PIK3AP1: variants seen among roughly 807,000 people sequenced by gnomAD.
PIK3AP1 encodes phosphoinositide 3-kinase adapter protein 1.
In PIK3AP1, 21 loss-of-function variants were observed where a neutral mutation model predicts 88.1. The observed-to-expected ratio is 0.24, with a 90% CI of 0.17 to 0.34. The LOEUF is 0.34. Ranked by LOEUF, PIK3AP1 falls within the 10% of genes least tolerant of loss-of-function variation. PIK3AP1 has a pLI of 1.00. For synonymous variants in PIK3AP1, 398 were observed against 400.0 expected, an observed-to-expected ratio of 1.00 and a Z score of 0.06; for missense variants, 828 against 1,035.7, an observed-to-expected ratio of 0.80 and a Z score of 2.75.
intron 2 of PIK3AP1, among the ~76,000 whole-genome samples, chr10:96,702,614 C>CCACACA (rs3035892): frequency 0.014 from 2,003 of 145,158 alleles, 51 homozygotes; most frequent in African/African-American, 0.043. Flanking sequence ...AGTGTTCTCA[C>CCACACA]CACACACACA....
Position 96,647,567 on chromosome 10 carries a change from T to C in PIK3AP1, c.1185+1092A>G, listed in dbSNP as rs1843476911. On this transcript the variant is annotated intron_variant, in intron 7 of 16. Coordinates refer to ENST00000339364, the MANE Select transcript of PIK3AP1 (RefSeq NM_152309.3). The stretch of plus-strand genomic sequence containing the variant: ...GACTGAGAGCACCTTTTAGACTTAT[T>C]TGTGTCAGTGACGCCCAAAAAAAAG... Among the ~76,000 whole-genome samples the C allele has an allele frequency of 2.0e-5, 3 of 152,310 alleles. No individual in the cohort carries two copies. The South Asian group carries it at 6.2e-4, about 32-fold the overall frequency.
At chr10:96,690,536 G>T (rs970165341) in intron 2 of PIK3AP1, among the ~76,000 whole-genome samples, 2 of 152,164 alleles carry the variant, frequency 1.3e-5, no homozygotes, top group African/African-American at 2.4e-5. Context: ...TGGAATTATA[G>T]GTGTGAACCA....
intron 2 of PIK3AP1, among the ~76,000 whole-genome samples, chr10:96,668,602 C>T (rs899117791): frequency 1.3e-5 from 2 of 152,082 alleles, no homozygotes; most frequent in African/African-American, 4.8e-5. Context: ...TGGAATTAAA[C>T]AGAAACAGTC....
At chr10:96,698,424 A>G (rs1052495725) in intron 2 of PIK3AP1, among the ~76,000 whole-genome samples, 8 of 151,590 alleles carry the variant, frequency 5.3e-5, no homozygotes, top group Non-Finnish European at 7.4e-5. Context: ...GCTGAGGCAG[A>G]TGGATCACCT....
chr10:96,658,219 T>C (rs1285985654), intron 2 of PIK3AP1, among the ~76,000 whole-genome samples: 3 of 152,222 alleles, frequency 2.0e-5, no homozygotes, highest in Admixed American at 2.0e-4. Flanking sequence ...ACACTAACCC[T>C]GCCTTCAGAG....
chr10:96,691,390 T>C (rs1324950992), intron 2 of PIK3AP1, among the ~76,000 whole-genome samples: 5 of 152,226 alleles, frequency 3.3e-5, no homozygotes, highest in African/African-American at 1.2e-4. Flanking sequence ...ATACTGAGCA[T>C]GTGGTCACCT....
At chr10:96,709,073 A>G (rs1309452813) in intron 2 of PIK3AP1, among the ~76,000 whole-genome samples, 38 of 145,988 alleles carry the variant, frequency 2.6e-4, no homozygotes, top group Non-Finnish European at 3.0e-5. Context: ...CAGAGGTTGC[A>G]GTCCACTGAG....
intron 2 of PIK3AP1, among the ~76,000 whole-genome samples, chr10:96,679,222 T>C (rs944428273): frequency 6.6e-6 from 1 of 152,190 alleles, no homozygotes; most frequent in African/African-American, 2.4e-5. Context: ...TCCACTGATG[T>C]GCATTTTGAA....
At chr10:96,653,148 TG>T (rs1843565421) in intron 3 of PIK3AP1, among the ~76,000 whole-genome samples, 1 of 152,040 alleles carries the variant, frequency 6.6e-6, no homozygotes, top group Admixed American at 6.6e-5. Context: ...GGCTCACGCC[TG>T]TAATCTCAAC....
At chr10:96,612,112 T>C (rs1849121431) in intron 13 of PIK3AP1, among the ~76,000 whole-genome samples, 1 of 152,142 alleles carries the variant, frequency 6.6e-6, no homozygotes, top group African/African-American at 2.4e-5. Context: ...CACAGAGTGG[T>C]TAAAGGAATT....
chr10:96,712,912 CAGA>C (rs1328398491), intron 1 of PIK3AP1, among the ~76,000 whole-genome samples: 1 of 152,186 alleles, frequency 6.6e-6, no homozygotes, highest in African/African-American at 2.4e-5. Flanking sequence ...GTGCAATAAG[CAGA>C]AGGAGAATAA....
At chr10:96,719,896 AG>A (rs142315936) in intron 1 of PIK3AP1, among the ~76,000 whole-genome samples, 1,957 of 152,270 alleles carry the variant, frequency 0.013, 41 homozygotes, top group African/African-American at 0.043. Context: ...GGAGGGGTGG[AG>A]GAACGGGGCT....
At chr10:96,671,839 G>A (rs750921131) in intron 2 of PIK3AP1, among the ~76,000 whole-genome samples, 38 of 152,008 alleles carry the variant, frequency 2.5e-4, no homozygotes, top group Admixed American at 4.6e-4. Context: ...CCAGGAGTTC[G>A]AGACCAGCCT....
intron 2 of PIK3AP1, among the ~76,000 whole-genome samples, chr10:96,707,599 C>T (rs1157565495): frequency 6.6e-6 from 1 of 151,956 alleles, no homozygotes; most frequent in African/African-American, 2.4e-5. Flanking sequence ...AGCCACACTA[C>T]TGTAATATTT....
At chr10:96,653,075 G>A (rs1843564140) in intron 3 of PIK3AP1, among the ~76,000 whole-genome samples, 1 of 151,878 alleles carries the variant, frequency 6.6e-6, no homozygotes, top group Non-Finnish European at 1.5e-5. Flanking sequence ...GTCATTTTAT[G>A]TCTGTTGAAG....
At chr10:96,648,217 A>G (rs1250585375) in intron 7 of PIK3AP1, among the ~76,000 whole-genome samples, 6 of 152,172 alleles carry the variant, frequency 3.9e-5, no homozygotes, top group African/African-American at 1.4e-4. Flanking sequence ...GGCAGCTAGG[A>G]GCATCCCACC....
intron 7 of PIK3AP1, among the ~76,000 whole-genome samples, chr10:96,647,662 G>C (rs1184395372): frequency 6.6e-6 from 1 of 152,190 alleles, no homozygotes; most frequent in Non-Finnish European, 1.5e-5. Flanking sequence ...GTGCCTCCGT[G>C]AATCACTGTC....
At chr10:96,660,634 A>C (rs1843673565) in intron 2 of PIK3AP1, among the ~76,000 whole-genome samples, 1 of 152,222 alleles carries the variant, frequency 6.6e-6, no homozygotes, top group East Asian at 1.9e-4. Context: ...TTACTAAACA[A>C]TCCAGCAATC....
At chr10:96,654,919 G>A (rs1167691561) in intron 3 of PIK3AP1, among the ~76,000 whole-genome samples, 3 of 152,248 alleles carry the variant, frequency 2.0e-5, no homozygotes, top group African/African-American at 7.2e-5. Flanking sequence ...AACAGGGACT[G>A]TGGGGACCCG....
Sources: gnomAD v4.1 joint callset for allele counts (sites outside exome capture counted in the v4.1 genomes callset) on GRCh38, gnomAD v4.1.1 for gene constraint, MANE v1.5 for transcripts, NCBI Gene and HGNC (gene_info 2026-07-23, HGNC 2026-07-21) for gene names.